SEMA4D: variants seen among roughly 807,000 people sequenced by gnomAD.
The protein encoded by SEMA4D is semaphorin-4D.
SEMA4D carries 22 observed loss-of-function variants against 74.8 expected under a neutral mutation model. That is an observed-to-expected ratio of 0.29 (90% CI 0.21 to 0.42). The LOEUF (loss-of-function observed/expected upper bound fraction) is 0.42. Ranked by LOEUF, SEMA4D falls within the 10% of genes least tolerant of loss-of-function variation. SEMA4D has a pLI of 1.00. For synonymous variants in SEMA4D, 445 were observed against 463.7 expected (o/e 0.96, Z 0.52); for missense variants, 937 against 1,118.4 (o/e 0.84, Z 2.31).
At chr9:89,439,216 A>AT (rs1851181756) in intron 2 of SEMA4D, among the ~76,000 whole-genome samples, 3 of 151,272 alleles carry the variant, frequency 2.0e-5, no homozygotes, top group African/African-American at 7.3e-5. Flanking sequence ...TCCTAACCTC[A>AT]TGATCCGCCC....
At chr9:89,372,377 TGGGGTGTGGTGTGTCG>T, downstream of SEMA4D, among the ~76,000 whole-genome samples, 1 of 108,636 alleles carries the variant, frequency 9.2e-6, no homozygotes, top group Non-Finnish European at 1.9e-5. Context: ...ATGTGGTGTC[TGGGGTGTGGTGTGTCG>T]GGGGTGTGTG....
At position 89,478,483 on chromosome 9, in the gene SEMA4D, G is replaced by T. The variant is rs991781157; in HGVS notation, c.-310+19436C>A. Among the ~76,000 whole-genome samples, 38 of 152,094 alleles carry T rather than the reference G, an allele frequency of 2.5e-4. 1 individual carries two copies. The highest frequency in any genetic ancestry group is 2.5e-3 in the Admixed American group (38 of 15,276). On this transcript the variant is annotated intron_variant, in intron 1 of 15. Transcript: ENST00000422704. ...ATTTTTACTTCTGACCTCCAGAACT[G>T]GGAGAATAAGTTTCTGTTGTTGGAA...
chr9:89,449,463 G>C (rs1190419761), intron 2 of SEMA4D: 2 of 676,072 alleles, frequency 3.0e-6, no homozygotes, highest in African/African-American at 3.6e-5. Flanking sequence ...CCCTCTCCTC[G>C]AGGATCGAGG....
At chr9:89,362,090 T>C (rs925306429) in exon 19 of SEMA4D, 46 of 539,974 alleles carry the variant, frequency 8.5e-5, no homozygotes, top group Non-Finnish European at 1.4e-4. Context: ...CCCTGCTGTT[T>C]TAGTTCACGA....
At chr9:89,362,201 C>T in exon 19 of SEMA4D, 2 of 788,556 alleles carry the variant, frequency 2.5e-6, no homozygotes, top group Non-Finnish European at 4.1e-6. Flanking sequence ...TAGTTCCTGT[C>T]ACAGGCCCAC....
rs188225621 is a variant in SEMA4D, at chr9:89,482,098, C to T, written c.-310+15821G>A. 1.6e-3 allele frequency among the ~76,000 whole-genome samples: 250 copies of T among 152,282 alleles called. 1 individual carries two copies. The highest frequency in any genetic ancestry group is 2.7e-3 in the Non-Finnish European group (185 of 68,012). ...ACTGCAAAGTAGTGGGCCATGGAGC[C>T]GACCCAGCTGCTCTAAGAAGAAGGC... On this transcript the variant is annotated intron_variant, in intron 1 of 15. Coordinates refer to ENST00000422704, the MANE Select transcript of SEMA4D (RefSeq NM_001371194.2).
At chr9:89,364,632 CTGT>C (rs1413537786) in intron 16 of SEMA4D, 1 of 156,142 alleles carries the variant, frequency 6.4e-6, no homozygotes. Context: ...CCGCAAACCT[CTGT>C]TGTTTTTCTC....
At chr9:89,450,660 G>GAAAA in intron 2 of SEMA4D, 12 of 428,034 alleles carry the variant, frequency 2.8e-5, no homozygotes, top group South Asian at 9.5e-5. Context: ...AAAAACCCAG[G>GAAAA]AAAAAAAAAA....
At chr9:89,370,254 TGGTG>T (rs929738403) in intron 16 of SEMA4D, among the ~76,000 whole-genome samples, 6 of 151,102 alleles carry the variant, frequency 4.0e-5, no homozygotes, top group African/African-American at 1.2e-4. Flanking sequence ...TGCATGCACA[TGGTG>T]TGTGTGTTGT....
intron 2 of SEMA4D, among the ~76,000 whole-genome samples, chr9:89,453,451 T>C (rs937544345): frequency 6.6e-6 from 1 of 152,234 alleles, no homozygotes; most frequent in African/African-American, 2.4e-5. Flanking sequence ...CCTGTGCTCC[T>C]TTCTCTGAGG....
intron 1 of SEMA4D, among the ~76,000 whole-genome samples, chr9:89,481,455 AAGAAC>A (rs1824675015): frequency 6.6e-6 from 1 of 152,226 alleles, no homozygotes; most frequent in African/African-American, 2.4e-5. Flanking sequence ...GTGGAGCCAT[AAGAAC>A]TGGAGGGCCC....
intron 1 of SEMA4D, among the ~76,000 whole-genome samples, chr9:89,481,453 A>G (rs1256061267): frequency 2.0e-5 from 3 of 152,242 alleles, no homozygotes; most frequent in Admixed American, 6.5e-5. Context: ...AAGTGGAGCC[A>G]TAAGAACTGG....
At chr9:89,478,217 C>G (rs370207672) in intron 1 of SEMA4D, among the ~76,000 whole-genome samples, 1 of 152,182 alleles carries the variant, frequency 6.6e-6, no homozygotes. Flanking sequence ...AAGGGTCTTT[C>G]TAGATGTAAG....
At position 89,387,522 on chromosome 9, in the gene SEMA4D, A is replaced by G; in HGVS notation, c.1194T>C (p.Pro398=). The change falls in exon 12 of 16, where the codon CCT becomes CCC. Residue 398 remains proline (P), a synonymous_variant. Coordinates refer to ENST00000422704, the MANE Select transcript of SEMA4D (RefSeq NM_001371194.2). ...TTGGGGTTACCGAGTCATCCATCAAAGGGTGGTCTTTAACGAACTGCAGCG... is the reference window on the plus strand; with the variant it reads ...TTGGGGTTACCGAGTCATCCATCAAGGGGTGGTCTTTAACGAACTGCAGCG... ...DKTLQFVKDH[P]LMDDSVTPID... The G allele has an allele frequency of 6.2e-7, 1 of 1,614,182 alleles. No individual in the cohort carries two copies.
intron 16 of SEMA4D, among the ~76,000 whole-genome samples, chr9:89,370,772 G>T (rs1263596870): frequency 6.9e-6 from 1 of 145,054 alleles, no homozygotes; most frequent in Non-Finnish European, 1.5e-5. Context: ...GGTGTGATGT[G>T]TGTGTGGGGT....
At chr9:89,406,926 C>A (rs566700218) in intron 2 of SEMA4D, among the ~76,000 whole-genome samples, 1 of 152,278 alleles carries the variant, frequency 6.6e-6, no homozygotes, top group East Asian at 1.9e-4. Context: ...AAAGCACCAG[C>A]AGTCAGGGGC....
At chr9:89,448,782 G>A (rs565325242) in intron 2 of SEMA4D, among the ~76,000 whole-genome samples, 144 of 152,308 alleles carry the variant, frequency 9.5e-4, no homozygotes, top group African/African-American at 3.1e-3. Flanking sequence ...TAAATAGCCC[G>A]GCCAGATGTG....
intron 2 of SEMA4D, among the ~76,000 whole-genome samples, chr9:89,439,022 C>G (rs1851124919): frequency 7.9e-6 from 1 of 126,494 alleles, no homozygotes; most frequent in South Asian, 2.7e-4. Context: ...CGCTCTATCG[C>G]CCAGGCTGGA....
At chr9:89,372,551 C>A (rs1835258119), downstream of SEMA4D, among the ~76,000 whole-genome samples, 1 of 151,860 alleles carries the variant, frequency 6.6e-6, no homozygotes, top group Admixed American at 6.6e-5. Context: ...GATGGCTGTG[C>A]AACAGCTCTG....
Sources: allele counts gnomAD v4.1 joint callset (sites outside exome capture counted in the v4.1 genomes callset), GRCh38; gene constraint gnomAD v4.1.1; transcripts MANE v1.5; gene names NCBI Gene and HGNC (gene_info 2026-07-23, HGNC 2026-07-21).